Variants in IQCJ observed in about 807,000 individuals in gnomAD.
The protein encoded by IQCJ is IQ domain-containing protein J.
In IQCJ, 9 loss-of-function variants were observed where a neutral mutation model predicts 11.0. The observed-to-expected ratio is 0.82, with a 90% CI of 0.49 to 1.43. The LOEUF is 1.43. Among genes scored for constraint, IQCJ ranks in the 40% most tolerant of loss-of-function variants. The pLI is 0.00. For synonymous variants in IQCJ, 55 were observed against 51.3 expected (o/e 1.07, Z -0.31); for missense variants, 146 against 133.2 (o/e 1.10, Z -0.47).
chr3:159,080,704 T>C (rs1385997392), intron 1 of IQCJ, among the ~76,000 whole-genome samples: 1 of 152,142 alleles, frequency 6.6e-6, no homozygotes, highest in East Asian at 1.9e-4. Flanking sequence ...GTAGGCATTT[T>C]ACAGTGAAAG....
At chr3:159,078,201 A>G (rs889870822) in intron 1 of IQCJ, among the ~76,000 whole-genome samples, 2 of 93,904 alleles carry the variant, frequency 2.1e-5, no homozygotes, top group African/African-American at 5.8e-5. Context: ...AATGCTAAAC[A>G]TGGGGAAATA....
At chr3:159,123,543 G>A (rs145438042) in intron 1 of IQCJ, among the ~76,000 whole-genome samples, 107 of 151,714 alleles carry the variant, frequency 7.1e-4, no homozygotes, top group African/African-American at 2.5e-3. Context: ...GTTGGGTTGT[G>A]TACTGACTTG....
intron 1 of IQCJ, among the ~76,000 whole-genome samples, chr3:159,180,677 C>A (rs116607332): frequency 6.6e-6 from 1 of 151,794 alleles, no homozygotes; most frequent in Non-Finnish European, 1.5e-5. Context: ...TATGGGTATT[C>A]ATTATACTAT....
intron 3 of IQCJ, among the ~76,000 whole-genome samples, chr3:159,261,401 G>T (rs185627621): frequency 6.6e-6 from 1 of 152,314 alleles, no homozygotes; most frequent in African/African-American, 2.4e-5. Flanking sequence ...ATATGATTTG[G>T]CTCTGTGTCC....
chr3:159,153,180 A>C (rs1721325981), intron 1 of IQCJ, among the ~76,000 whole-genome samples: 1 of 152,242 alleles, frequency 6.6e-6, no homozygotes, highest in South Asian at 2.1e-4. Flanking sequence ...AAAATTATGT[A>C]GAATTATATT....
downstream of IQCJ, chr3:159,265,475 G>A: frequency 8.1e-7 from 1 of 1,233,750 alleles, no homozygotes; most frequent in Admixed American, 2.3e-5. Context: ...ATCAAGAAAT[G>A]AGCTTCCTCT....
intron 3 of IQCJ, among the ~76,000 whole-genome samples, chr3:159,257,290 GA>G (rs927655120): frequency 1.5e-4 from 23 of 152,190 alleles, no homozygotes; most frequent in African/African-American, 5.3e-4. Context: ...AGTATTGCAG[GA>G]CCACTATTTT....
chr3:159,147,393 T>A (rs1008908589), intron 1 of IQCJ, among the ~76,000 whole-genome samples: 1 of 152,236 alleles, frequency 6.6e-6, no homozygotes, highest in African/African-American at 2.4e-5. Context: ...CCTCATAACT[T>A]CTATCATGAA....
intron 3 of IQCJ, among the ~76,000 whole-genome samples, chr3:159,258,301 G>GC (rs1577121515): frequency 6.6e-6 from 1 of 152,226 alleles, no homozygotes; most frequent in East Asian, 1.9e-4. Flanking sequence ...GCCTTTAATA[G>GC]ACCTGGCTTG....
chr3:159,106,248 T>G (rs543009444), intron 1 of IQCJ, among the ~76,000 whole-genome samples: 1 of 152,302 alleles, frequency 6.6e-6, no homozygotes, highest in African/African-American at 2.4e-5. Flanking sequence ...TTGAGATATC[T>G]GCTAGACATT....
intron 1 of IQCJ, among the ~76,000 whole-genome samples, chr3:159,219,932 T>C (rs1386035736): frequency 6.6e-6 from 1 of 152,132 alleles, no homozygotes; most frequent in East Asian, 1.9e-4. Context: ...TCCTCTGCAC[T>C]CAGTGGTATC....
chr3:159,220,228 T>C (rs886719837), intron 1 of IQCJ, among the ~76,000 whole-genome samples: 2 of 152,274 alleles, frequency 1.3e-5, no homozygotes, highest in South Asian at 2.1e-4. Flanking sequence ...GCCTCTGTTA[T>C]GGACTGAATT....
At chr3:159,245,969 T>C in intron 2 of IQCJ, 62 bp downstream of exon 2, 4 of 1,291,836 alleles carry the variant, frequency 3.1e-6, no homozygotes, top group Non-Finnish European at 4.3e-6. Context: ...AAAAAGAAAA[T>C]CTTTCTGGTA....
chr3:159,069,843 TTGTGTGTGTG>T (rs34425057), intron 1 of IQCJ: 6,168 of 299,994 alleles, frequency 0.021, 33 homozygotes, highest in African/African-American at 0.035. Context: ...CCCTCCTTTC[TTGTGTGTGTG>T]TGTGTGTGTG....
At chr3:159,246,730 G>A (rs1052369940) in intron 2 of IQCJ, among the ~76,000 whole-genome samples, 1 of 152,192 alleles carries the variant, frequency 6.6e-6, no homozygotes, top group Non-Finnish European at 1.5e-5. Context: ...ACTACAAAGA[G>A]CTGAGGATGT....
chr3:159,241,802 T>A (rs1726938238), intron 1 of IQCJ, among the ~76,000 whole-genome samples: 1 of 152,252 alleles, frequency 6.6e-6, no homozygotes, highest in African/African-American at 2.4e-5. Context: ...ACAAAAAACC[T>A]ACTTCCATGG....
intron 3 of IQCJ, among the ~76,000 whole-genome samples, chr3:159,260,094 G>A (rs1449009): frequency 0.65 from 98,741 of 151,956 alleles, 33,094 homozygotes; most frequent in Non-Finnish European, 0.75. Context: ...AGAAAATAAT[G>A]TTGTCTTCTT....
rs73874792 is a variant in IQCJ, at chr3:159,074,976, C to T, written c.9+5535C>T. 9.4e-3 allele frequency among the ~76,000 whole-genome samples: 1,435 copies of T among 152,158 alleles called. 18 individuals are homozygous for T. Among genetic ancestry groups the T allele is most frequent in the African/African-American group, 0.034 (1,392 of 41,514 alleles). On this transcript the variant is annotated intron_variant, in intron 1 of 3. Transcript: ENST00000397832. ...TTCTCATAGAGGAAATCTGAAACTG[C>T]TGCCTCCCACTGCCCAACTAACAAA...
At chr3:159,234,976 G>C (rs1396686837) in intron 1 of IQCJ, among the ~76,000 whole-genome samples, 1 of 152,162 alleles carries the variant, frequency 6.6e-6, no homozygotes, top group Non-Finnish European at 1.5e-5. Context: ...GGAGTTACAT[G>C]TTGTTCTGAT....
Sources: allele counts gnomAD v4.1 joint callset (sites outside exome capture counted in the v4.1 genomes callset), GRCh38; gene constraint gnomAD v4.1.1; transcripts MANE v1.5; gene names NCBI Gene and HGNC (gene_info 2026-07-23, HGNC 2026-07-21).